Variants in SKP1 observed in about 807,000 individuals in gnomAD.
SKP1 encodes the protein S-phase kinase-associated protein 1.
A neutral mutation model predicts 21.5 loss-of-function variants in SKP1; 1 was observed. That is an observed-to-expected ratio of 0.05 (90% CI 0.02 to 0.22). The LOEUF (loss-of-function observed/expected upper bound fraction) is 0.22. Among genes scored for constraint, SKP1 ranks in the 10% least tolerant of loss-of-function variants. SKP1 has a pLI of 1.00. For missense variants in SKP1, 70 were observed against 192.0 expected, an observed-to-expected ratio of 0.36 and a Z score of 3.76; for synonymous variants, 59 against 59.3, an observed-to-expected ratio of 0.99 and a Z score of 0.03.
rs542023159 is a variant in SKP1, at chr5:134,155,068, G to T, written c.*2665C>A. 1 of 152,258 alleles carries T rather than the reference G, an allele frequency of 6.6e-6. No homozygotes were observed. Among genetic ancestry groups the T allele is most frequent in the South Asian group, 2.1e-4 (1 of 4,824 alleles). The allele number at this position is 152,258 out of a possible 1,614,324, so 9.4% of individuals were successfully genotyped here. On this transcript the variant is annotated 3_prime_UTR_variant, in exon 6 of 6. Transcript: ENST00000353411. ...TCAAGTGACTTCCAATGAAGTTCTG[G>T]AACTAATATAAAGCAGACTGCACTA...
In SKP1 at chr5:134,149,842, G is replaced by A. The variant is rs1761017383; in HGVS notation, c.*7891C>T. ...GTCTTTGGCAACTCTGTTTAAATCA[G>A]ATCAGCTTTTTTTTTTTTTAATCTG... On this transcript the variant is annotated 3_prime_UTR_variant, in exon 6 of 6. Transcript: ENST00000353411. 6.8e-6 allele frequency: 1 copy of A among 147,578 alleles called. No homozygotes were observed. Among genetic ancestry groups the A allele is most frequent in the African/African-American group, 2.6e-5 (1 of 37,932 alleles). The allele number at this position is 147,578 out of a possible 1,614,324, so 9.1% of individuals were successfully genotyped here.
intron 5 of SKP1, 188 bp downstream of exon 5, chr5:134,158,267 T>C: frequency 6.8e-7 from 1 of 1,474,912 alleles, no homozygotes; most frequent in Non-Finnish European, 8.9e-7. Context: ...ATGCTTAAAA[T>C]GCAGTATCAT....
chr5:134,155,646 C>G lies in SKP1; in HGVS notation c.*2087G>C, dbSNP rs1023422724. On this transcript the variant is annotated 3_prime_UTR_variant, in exon 6 of 6. Coordinates refer to ENST00000353411, the MANE Select transcript of SKP1 (RefSeq NM_170679.3). ...AGTGACGTTATTTACTCATATAATT[C>G]TAACTACTGCTGAGTATTATACAGA... The G allele has an allele frequency of 1.3e-5, 2 of 152,188 alleles. No individual in the cohort carries two copies. Among genetic ancestry groups the G allele is most frequent in the Non-Finnish European group, 2.9e-5 (2 of 68,038 alleles). The allele number at this position is 152,188 out of a possible 1,614,324, so 9.4% of individuals were successfully genotyped here.
At chr5:134,158,299 G>A in intron 5 of SKP1, 156 bp downstream of exon 5, 1 of 1,520,428 alleles carries the variant, frequency 6.6e-7, no homozygotes, top group Non-Finnish European at 8.8e-7. Flanking sequence ...GATTCATAAA[G>A]ACAGAACAGT....
At chr5:134,158,621 A>G (rs981090851) in intron 4 of SKP1, 26 bp from the exon 5 acceptor site, 4 of 1,603,220 alleles carry the variant, frequency 2.5e-6, no homozygotes, top group African/African-American at 1.3e-5. Context: ...TGTTTTCCTT[A>G]AAGTATACTT....
chr5:134,167,297 C>A, intron 2 of SKP1, 54 bp from the exon 3 acceptor site: 1 of 1,120,938 alleles, frequency 8.9e-7, no homozygotes, highest in Non-Finnish European at 1.4e-6. Flanking sequence ...AATACTTATA[C>A]CAACCAGGCT....
rs1761041580 is a variant in SKP1 at position 134,151,446 on chromosome 5, G to T, written c.*6287C>A. The T allele has an allele frequency of 3.8e-6, 1 of 264,620 alleles. No homozygotes were observed. The highest frequency in any genetic ancestry group is 7.8e-6 in the Non-Finnish European group (1 of 128,182). The allele number at this position is 264,620 out of a possible 1,614,324, so 16.4% of individuals were successfully genotyped here. ...GAACAGAAAAATCTGCAAAGCAACT[G>T]AAGAAGGCAGTTAGAGGTTGTGAAA... On this transcript the variant is annotated 3_prime_UTR_variant, in exon 6 of 6. Transcript: ENST00000353411.
chr5:134,172,062 A>C (rs1020776894), intron 2 of SKP1, among the ~76,000 whole-genome samples: 1 of 152,218 alleles, frequency 6.6e-6, no homozygotes, highest in Non-Finnish European at 1.5e-5. Flanking sequence ...TAAATAAATA[A>C]AAGAAATATC....
At chr5:134,173,432 A>G in intron 2 of SKP1, 1 of 242,044 alleles carries the variant, frequency 4.1e-6, no homozygotes, top group South Asian at 5.0e-5. Flanking sequence ...TTGAGGCTGC[A>G]GTGAGCCGTG....
intron 3 of SKP1, among the ~76,000 whole-genome samples, chr5:134,165,955 G>A (rs1445003691): frequency 6.6e-6 from 1 of 151,914 alleles, no homozygotes; most frequent in African/African-American, 2.4e-5. Flanking sequence ...CACTTTGGGA[G>A]GCCAAGGCAG....
intron 2 of SKP1, among the ~76,000 whole-genome samples, chr5:134,172,468 C>T (rs9327682): frequency 0.15 from 22,943 of 151,906 alleles, 2,719 homozygotes; most frequent in African/African-American, 0.33. Context: ...CATTAACTAG[C>T]GAAAGTTTCA....
rs1761103260 is a variant in SKP1 at position 134,155,210 on chromosome 5, G to A, written c.*2523C>T. On this transcript the variant is annotated 3_prime_UTR_variant, in exon 6 of 6. Transcript: ENST00000353411. ...ATTAGTTTAGAAGAATAGTTGGGAA[G>A]TAAGAGAGTAGCCAGAAATGAGTGG... is the stretch of plus-strand genomic sequence containing the variant. 6.6e-6 allele frequency: 1 copy of A among 152,216 alleles called. No homozygotes were observed. Among genetic ancestry groups the A allele is most frequent in the Non-Finnish European group, 1.5e-5 (1 of 68,036 alleles). The allele number at this position is 152,216 out of a possible 1,614,324, so 9.4% of individuals were successfully genotyped here. A position where few individuals can be genotyped will look rare whatever the true frequency, so the allele number is the denominator to read the frequency against.
intron 2 of SKP1, chr5:134,173,254 C>G (rs1761480203): frequency 6.4e-6 from 1 of 155,360 alleles, no homozygotes; most frequent in Admixed American, 6.3e-5. Flanking sequence ...ATCGCTTGAA[C>G]CAGGGAGACG....
In SKP1 at chr5:134,151,078, A is replaced by T. The variant is rs1761035696; in HGVS notation, c.*6655T>A. On this transcript the variant is annotated 3_prime_UTR_variant, in exon 6 of 6. Coordinates refer to ENST00000353411, the MANE Select transcript of SKP1 (RefSeq NM_170679.3). ...CTCACAAGTTAGGTCACTATTGGTA[A>T]GGGATGTTTCACTTCTGAAGACAAG... The T allele has an allele frequency of 6.6e-6, 1 of 152,254 alleles. No individual in the cohort carries two copies. Among genetic ancestry groups the T allele is most frequent in the Non-Finnish European group, 1.5e-5 (1 of 68,072 alleles). The allele number at this position is 152,254 out of a possible 1,614,324, so 9.4% of individuals were successfully genotyped here. A position where few individuals can be genotyped will look rare whatever the true frequency, so the allele number is the denominator to read the frequency against.
intron 1 of SKP1, 132 bp from the exon 2 acceptor site, chr5:134,174,154 T>C (rs1332265515): frequency 4.7e-6 from 3 of 642,354 alleles, no homozygotes; most frequent in Non-Finnish European, 8.4e-6. Context: ...CATAACCCTG[T>C]AAAGCACTGT....
chr5:134,167,454 C>T (rs1190980377), intron 2 of SKP1, among the ~76,000 whole-genome samples: 3 of 151,996 alleles, frequency 2.0e-5, no homozygotes, highest in Non-Finnish European at 2.9e-5. Context: ...TCATTACTCC[C>T]TAAACAATAC....
At position 134,162,197 on chromosome 5, in the gene SKP1, C is replaced by A. The variant is rs115527623; in HGVS notation, c.172-1067G>T. Among the ~76,000 whole-genome samples the A allele has an allele frequency of 4.2e-3, 638 of 152,242 alleles. 6 individuals carry two copies. Among genetic ancestry groups the A allele is most frequent in the Middle Eastern group, 6.8e-3 (2 of 294 alleles). On this transcript the variant is annotated intron_variant, in intron 3 of 5. Coordinates refer to ENST00000353411, the MANE Select transcript of SKP1 (RefSeq NM_170679.3). ...ATCATGGCTCACTCGACCTCCTGTG[C>A]TTAAGCGATCCTCCCACCTCAGCCT...
chr5:134,160,849 A>G, intron 4 of SKP1, 138 bp downstream of exon 4: 1 of 621,284 alleles, frequency 1.6e-6, no homozygotes, highest in East Asian at 2.8e-5. Flanking sequence ...TGTGTTACTG[A>G]TATGTGGATT....
At chr5:134,169,196 G>C (rs1234453269) in intron 2 of SKP1, among the ~76,000 whole-genome samples, 1 of 152,138 alleles carries the variant, frequency 6.6e-6, no homozygotes, top group African/African-American at 2.4e-5. Context: ...GATGACATGG[G>C]GTTCACTGAG....
Sources: allele counts gnomAD v4.1 joint callset (sites outside exome capture counted in the v4.1 genomes callset), GRCh38; gene constraint gnomAD v4.1.1; transcripts MANE v1.5; gene names NCBI Gene and HGNC (gene_info 2026-07-23, HGNC 2026-07-21).